FER: variants seen among roughly 807,000 people sequenced by gnomAD.
The protein encoded by FER is tyrosine-protein kinase Fer.
A neutral mutation model predicts 111.0 loss-of-function variants in FER; 63 were observed. The ratio of observed to expected loss-of-function variants is 0.57; its 90% confidence interval spans 0.46 to 0.70. The LOEUF is 0.70. Among genes scored for constraint, FER ranks in the 30% least tolerant of loss-of-function variants. The pLI is 0.00. For missense variants in FER, 914 were observed against 954.0 expected (o/e 0.96, Z 0.55); for synonymous variants, 327 against 313.9 (o/e 1.04, Z -0.44).
At chr5:109,148,886 T>G (rs186183225) in intron 17 of FER, among the ~76,000 whole-genome samples, 87 of 152,200 alleles carry the variant, frequency 5.7e-4, no homozygotes, top group African/African-American at 1.9e-3. Context: ...TGCTAAGGAT[T>G]AGAAAGATCA....
intron 10 of FER, among the ~76,000 whole-genome samples, chr5:108,907,205 A>G (rs1750906405): frequency 6.6e-6 from 1 of 151,140 alleles, no homozygotes; most frequent in Middle Eastern, 3.2e-3. Context: ...CTTTTTCTCC[A>G]TTTCCTTTTT....
chr5:109,003,902 C>T (rs113944178), intron 13 of FER, among the ~76,000 whole-genome samples: 17,536 of 152,120 alleles, frequency 0.12, 1,089 homozygotes, highest in Middle Eastern at 0.16. Context: ...ATCACTTAAG[C>T]CCAGGGGGTT....
intron 13 of FER, among the ~76,000 whole-genome samples, chr5:108,963,632 CAA>C (rs1297651441): frequency 6.6e-6 from 1 of 152,122 alleles, no homozygotes; most frequent in Admixed American, 6.6e-5. Flanking sequence ...GAACCTTAGA[CAA>C]CCAGCTTAAA....
At chr5:109,061,507 A>G (rs568563831) in intron 16 of FER, among the ~76,000 whole-genome samples, 7 of 152,302 alleles carry the variant, frequency 4.6e-5, no homozygotes, top group African/African-American at 1.7e-4. Context: ...AATAGAAAGT[A>G]GGCTAATAGT....
chr5:108,750,814 A>G (rs1561362124), intron 1 of FER, among the ~76,000 whole-genome samples: 1 of 152,218 alleles, frequency 6.6e-6, no homozygotes. Context: ...CCCACCACCT[A>G]TATATTTAGC....
At chr5:108,988,037 G>A (rs183144340) in intron 13 of FER, among the ~76,000 whole-genome samples, 37 of 152,122 alleles carry the variant, frequency 2.4e-4, no homozygotes, top group Non-Finnish European at 4.3e-4. Context: ...CTTTTTCTGC[G>A]TTTCTTGAGA....
intron 13 of FER, among the ~76,000 whole-genome samples, chr5:108,998,740 T>C (rs1335139606): frequency 6.6e-6 from 1 of 152,240 alleles, no homozygotes; most frequent in Admixed American, 6.5e-5. Context: ...TTTAGTTCTG[T>C]TTATGTGATG....
chr5:108,920,379 A>G (rs1390368181), intron 10 of FER, among the ~76,000 whole-genome samples: 1 of 152,140 alleles, frequency 6.6e-6, no homozygotes. Context: ...GTTCATTTGC[A>G]TGAATAAGAC....
intron 10 of FER, among the ~76,000 whole-genome samples, chr5:108,904,034 G>T (rs1168378803): frequency 1.3e-5 from 2 of 151,832 alleles, no homozygotes; most frequent in East Asian, 1.9e-4. Flanking sequence ...TGCATCTTAG[G>T]TATCATTTTA....
At chr5:108,845,067 T>TATACACAC (rs1486282738) in intron 5 of FER, among the ~76,000 whole-genome samples, 17 of 53,890 alleles carry the variant, frequency 3.2e-4, no homozygotes, top group African/African-American at 1.1e-3. Context: ...TATATATATA[T>TATACACAC]ACACACACAC....
intron 17 of FER, among the ~76,000 whole-genome samples, chr5:109,148,228 A>G (rs1754449086): frequency 6.6e-6 from 1 of 152,124 alleles, no homozygotes; most frequent in East Asian, 1.9e-4. Flanking sequence ...GCCTAAATGT[A>G]TGCCATACAG....
At chr5:109,051,240 C>G (rs1772752406) in intron 16 of FER, 2 of 955,942 alleles carry the variant, frequency 2.1e-6, no homozygotes, top group Non-Finnish European at 3.4e-6. Context: ...AAATTAACAC[C>G]TGGTGCACTT....
At chr5:109,139,203 C>G (rs1022781084) in intron 17 of FER, among the ~76,000 whole-genome samples, 1 of 152,100 alleles carries the variant, frequency 6.6e-6, no homozygotes, top group Non-Finnish European at 1.5e-5. Context: ...CAGGTCTTTT[C>G]TTTAATATTG....
At chr5:108,938,026 T>A (rs73780777) in intron 10 of FER, among the ~76,000 whole-genome samples, 10,777 of 130,184 alleles carry the variant, frequency 0.083, 565 homozygotes, top group African/African-American at 0.15. Context: ...TATCTCTCTC[T>A]CACACACACA....
At chr5:108,762,893 T>C (rs554384858) in intron 1 of FER, among the ~76,000 whole-genome samples, 51 of 152,354 alleles carry the variant, frequency 3.3e-4, no homozygotes, top group African/African-American at 1.1e-3. Context: ...AATGTCACTT[T>C]ATCTGTAAAG....
chr5:108,893,444 G>C (rs1033781899), intron 9 of FER, among the ~76,000 whole-genome samples: 2 of 151,254 alleles, frequency 1.3e-5, no homozygotes, highest in Non-Finnish European at 2.9e-5. Flanking sequence ...AATAGTTTGA[G>C]ATTTTACATT....
chr5:108,945,224 C>G (rs1756819506), intron 10 of FER, among the ~76,000 whole-genome samples: 1 of 152,132 alleles, frequency 6.6e-6, no homozygotes, highest in African/African-American at 2.4e-5. Context: ...AAAAGGATCT[C>G]TTGTTCTTTT....
chr5:109,090,568 G>C (rs1331966476), intron 16 of FER, among the ~76,000 whole-genome samples: 1 of 152,000 alleles, frequency 6.6e-6, no homozygotes, highest in Non-Finnish European at 1.5e-5. Context: ...CTTTGCATGG[G>C]AACACAGACA....
At chr5:108,913,580 T>G (rs982526716) in intron 10 of FER, among the ~76,000 whole-genome samples, 4 of 152,182 alleles carry the variant, frequency 2.6e-5, no homozygotes, top group Non-Finnish European at 5.9e-5. Flanking sequence ...ACCACTACTT[T>G]GGAAAGCCTA....
Sources: allele counts gnomAD v4.1 joint callset (sites outside exome capture counted in the v4.1 genomes callset), GRCh38; gene constraint gnomAD v4.1.1; transcripts MANE v1.5; gene names NCBI Gene and HGNC (gene_info 2026-07-23, HGNC 2026-07-21).